MACF1: variants seen among roughly 807,000 people sequenced by gnomAD.
The protein encoded by MACF1 is microtubule actin crosslinking factor 1, also known as microtubule-actin cross-linking factor 1.
In MACF1, 193 loss-of-function variants were observed where a neutral mutation model predicts 854.8. The observed-to-expected ratio is 0.23, with a 90% CI of 0.20 to 0.25. The LOEUF (loss-of-function observed/expected upper bound fraction) is 0.25. MACF1 is among the 10% of genes least tolerant of loss of function. The pLI, the probability that MACF1 is intolerant of heterozygous loss-of-function variation, is 1.00. For missense variants in MACF1, 7,722 were observed against 8,929.1 expected (o/e 0.86, Z 5.45); for synonymous variants, 3,185 against 3,226.7 (o/e 0.99, Z 0.44).
intron 47 of MACF1, among the ~76,000 whole-genome samples, chr1:39,360,015 ATATATATATAT>A (rs1557608902): frequency 1.4e-3 from 45 of 31,952 alleles, no homozygotes; most frequent in African/African-American, 5.0e-3. Flanking sequence ...AAAAAAAAAT[ATATATATATAT>A]ATATATATAT....
At chr1:39,324,062 G>T (rs1313296249) in intron 33 of MACF1, 131 bp from the exon 34 acceptor site, 5 of 904,300 alleles carry the variant, frequency 5.5e-6, no homozygotes, top group Non-Finnish European at 8.2e-6. Context: ...TATACTTGGG[G>T]TTATTTTCAC....
intron 49 of MACF1, among the ~76,000 whole-genome samples, chr1:39,365,007 A>G (rs1402197217): frequency 6.6e-6 from 1 of 152,070 alleles, no homozygotes; most frequent in Admixed American, 6.5e-5. Context: ...TTTTTCTGTT[A>G]TGTCTATCTA....
At position 39,340,921 on chromosome 1, in the gene MACF1, G is replaced by T; in HGVS notation, c.10549G>T (p.Asp3517Tyr). The T allele has an allele frequency of 1.9e-6, 3 of 1,612,904 alleles. No homozygotes were observed. The South Asian group carries it at 3.3e-5, about 18-fold the overall frequency. ...GGGATCTAACAGTGAAATAGATGTTGACAGCCTGAACCTCTGCCTCCAACA... is the reference window on the plus strand; with the variant it reads ...GGGATCTAACAGTGAAATAGATGTTTACAGCCTGAACCTCTGCCTCCAACA... Reference protein sequence around the residue: ...SKGSNSEIDVDSLNLCLQQYE... With the variant: ...SKGSNSEIDVYSLNLCLQQYE... Residue 3517 changes from aspartate to tyrosine, a missense_variant, in exon 40 of 101, where the codon GAC (aspartate) becomes TAC (tyrosine). Around this residue, in one of 15 missense-constraint regions of MACF1, gnomAD observed 854 missense variants for 852.6 expected, o/e 1.00. Transcript: ENST00000564288.
intron 2 of MACF1, among the ~76,000 whole-genome samples, chr1:39,131,340 A>ATTT (rs754371197): frequency 7.8e-6 from 1 of 128,956 alleles, no homozygotes. Flanking sequence ...CAGTTTTATT[A>ATTT]TTTTTTTTTT....
rs954365659 is a variant in MACF1, at chr1:39,285,747, G to A, written c.1497G>A (p.Glu499=). 4.3e-6 allele frequency: 7 copies of A among 1,614,012 alleles called. No homozygotes were observed. In the African/African-American group the frequency reaches 9.3e-5, roughly 22 times the overall value. The change falls in exon 14 of 101, where the codon GAG becomes GAA. Residue 499 remains glutamate (E), a synonymous_variant. Transcript: ENST00000564288. ...ATGAGAATTACTACCAGCTAGAAGAGCTGGCTTTTAGGTGAGGAACAAGGG... is the reference window on the plus strand; with the variant it reads ...ATGAGAATTACTACCAGCTAGAAGAACTGGCTTTTAGGTGAGGAACAAGGG... ...LRDENYYQLE[E]LAFRVMRLQD... is the part of the protein sequence containing the mutation.
chr1:39,253,674 C>T (rs11205828), intron 4 of MACF1, among the ~76,000 whole-genome samples: 91,188 of 151,802 alleles, frequency 0.6, 29,538 homozygotes, highest in South Asian at 0.78. Flanking sequence ...CCACCACGCC[C>T]GGCTAATTTT....
At chr1:39,226,275 C>G (rs190484788) in intron 1 of MACF1, among the ~76,000 whole-genome samples, 1 of 152,120 alleles carries the variant, frequency 6.6e-6, no homozygotes, top group East Asian at 1.9e-4. Context: ...ATGAGGCCAT[C>G]AGGTTTCCTT....
intron 2 of MACF1, among the ~76,000 whole-genome samples, chr1:39,181,519 T>G (rs138133601): frequency 6.6e-6 from 1 of 152,266 alleles, no homozygotes; most frequent in East Asian, 1.9e-4. Context: ...CGTCTTCCTC[T>G]TCCTCCTCCT....
chr1:39,428,570 A>G (rs1330223576), intron 63 of MACF1, among the ~76,000 whole-genome samples: 1 of 152,168 alleles, frequency 6.6e-6, no homozygotes, highest in Non-Finnish European at 1.5e-5. Context: ...TTATTAGGTG[A>G]TGGGTCACTA....
At chr1:39,406,061 A>G (rs550120511) in intron 58 of MACF1, among the ~76,000 whole-genome samples, 1 of 152,342 alleles carries the variant, frequency 6.6e-6, no homozygotes, top group South Asian at 2.1e-4. Context: ...ATTTATTTCT[A>G]AACACATACT....
intron 17 of MACF1, 126 bp from the exon 18 acceptor site, chr1:39,293,331 TG>T: frequency 1.1e-6 from 1 of 880,564 alleles, no homozygotes; most frequent in Non-Finnish European, 1.7e-6. Context: ...CTTGAATCCA[TG>T]GGGAAAAATC....
At position 39,366,208 on chromosome 1, in the gene MACF1, A is replaced by T. The variant is rs183277134; in HGVS notation, c.12772-1940A>T. 6.5e-4 allele frequency among the ~76,000 whole-genome samples: 99 copies of T among 152,348 alleles called. 1 individual carries two copies. Among genetic ancestry groups the T allele is most frequent in the African/African-American group, 2.4e-3 (98 of 41,570 alleles). On this transcript the variant is annotated intron_variant, in intron 49 of 100. Transcript: ENST00000564288. Reference sequence around the variant, plus strand: ...AAGTTAGCATTTTTATGTGGGTCACACTAAATGTATTCATTCACGCAAACA... The same window carrying T: ...AAGTTAGCATTTTTATGTGGGTCACTCTAAATGTATTCATTCACGCAAACA...
intron 2 of MACF1, among the ~76,000 whole-genome samples, chr1:39,092,348 G>A (rs901013140): frequency 6.6e-6 from 1 of 152,192 alleles, no homozygotes; most frequent in Non-Finnish European, 1.5e-5. Flanking sequence ...GGTTCCTCCG[G>A]TGAATAATAG....
At position 39,333,731 on chromosome 1, in the gene MACF1, G is replaced by C. The variant is rs1445807411; in HGVS notation, c.7143G>C (p.Leu2381=). Residue 2381 remains leucine, a synonymous_variant, in exon 37 of 101, where the codon CTG becomes CTC. Coordinates refer to ENST00000564288, the MANE Select transcript of MACF1 (RefSeq NM_001394062.1). ...TCTTAGACCCCCGTACCCAGACACT[G>C]TGCTCTGTAAAGGATGCAGTTACAG... ...SGVLDPRTQT[L]CSVKDAVTVG... 9.9e-6 allele frequency: 16 copies of C among 1,614,064 alleles called. No individual in the cohort carries two copies. The highest frequency in any genetic ancestry group is 5.0e-5 in the Admixed American group (3 of 60,000).
chr1:39,123,891 AT>A (rs1221467528), intron 2 of MACF1, among the ~76,000 whole-genome samples: 3 of 150,604 alleles, frequency 2.0e-5, no homozygotes, highest in Non-Finnish European at 4.4e-5. Flanking sequence ...TGCCTGGCTA[AT>A]TTTTTTTGTA....
chr1:39,410,579 G>A (rs750365990), intron 58 of MACF1: 1 of 1,614,072 alleles, frequency 6.2e-7, no homozygotes, highest in South Asian at 1.1e-5. Context: ...CTAAAGCTAA[G>A]CAGTGATGTG....
intron 58 of MACF1, among the ~76,000 whole-genome samples, chr1:39,408,834 C>T (rs1280013955): frequency 6.6e-6 from 1 of 151,936 alleles, no homozygotes; most frequent in Non-Finnish European, 1.5e-5. Context: ...CCGGGTCTCT[C>T]GCTCCGAATC....
chr1:39,202,193 C>G (rs1644398895), upstream of MACF1, among the ~76,000 whole-genome samples: 1 of 149,330 alleles, frequency 6.7e-6, no homozygotes, highest in Non-Finnish European at 1.5e-5. Flanking sequence ...GTCTCAGTCT[C>G]CTGACCTCAT....
At position 39,424,154 on chromosome 1, in the gene MACF1, G is replaced by C. The variant is rs1204047946; in HGVS notation, c.16276G>C (p.Glu5426Gln). Residue 5426 changes from glutamate to glutamine, a missense_variant, in exon 61 of 101, where the codon GAA (glutamate) becomes CAA (glutamine). This residue lies in a region of MACF1 where 2,807 missense variants were observed against 3,235.8 expected (regional missense o/e 0.87). Transcript: ENST00000564288. ...AATCACTGGACAGCTGGAGAGTCTT[G>C]AAAGTAGATGGACTGAACTACTCAG... ...EKITGQLESL[E>Q]SRWTELLSKA... The C allele has an allele frequency of 1.2e-6, 2 of 1,613,650 alleles. No individual in the cohort carries two copies. Among genetic ancestry groups the C allele is most frequent in the Admixed American group, 1.7e-5 (1 of 59,940 alleles).
Sources: gnomAD v4.1 joint callset for allele counts (sites outside exome capture counted in the v4.1 genomes callset) on GRCh38, gnomAD v4.1.1 for gene constraint, gnomAD v4.1.1 regional missense constraint, MANE v1.5 for transcripts, NCBI Gene and HGNC (gene_info 2026-07-23, HGNC 2026-07-21) for gene names.